The following HSF2BP variants were observed in gnomAD, a reference collection of about 807,000 sequenced individuals.
The protein encoded by HSF2BP is heat shock factor 2-binding protein.
A neutral mutation model predicts 35.0 loss-of-function variants in HSF2BP; 35 were observed. The observed-to-expected ratio is 1.00, with a 90% CI of 0.76 to 1.32. HSF2BP has a LOEUF of 1.32. Ranked by LOEUF, HSF2BP falls within the 40% of genes most tolerant of loss-of-function variation. HSF2BP has a pLI of 0.00. For synonymous variants in HSF2BP, 114 were observed against 117.4 expected, an observed-to-expected ratio of 0.97 and a Z score of 0.18; for missense variants, 326 against 321.7, an observed-to-expected ratio of 1.01 and a Z score of -0.10.
Position 43,644,394 on chromosome 21 carries a change from T to G in HSF2BP, c.188-2A>C. On this transcript the variant is annotated splice_acceptor_variant, in intron 3 of 8. Coordinates refer to ENST00000291560, the MANE Select transcript of HSF2BP (RefSeq NM_007031.2). LOFTEE classifies it high-confidence loss of function. ...ATTCTTGCTCTTTCCTTTCCAGGTC[T>G]AGGAGAAAGACATAAAATTACTCAA... The G allele has an allele frequency of 1.2e-6, 2 of 1,609,190 alleles. No individual in the cohort carries two copies. Among genetic ancestry groups the G allele is most frequent in the African/African-American group, 2.7e-5 (2 of 74,974 alleles).
chr21:43,584,849 G>C (rs2081826604), intron 8 of HSF2BP, among the ~76,000 whole-genome samples: 2 of 152,156 alleles, frequency 1.3e-5, no homozygotes, highest in African/African-American at 4.8e-5. Context: ...CCGGGGCTTT[G>C]TCTCCTATCC....
chr21:43,636,894 CA>C (rs34578952), intron 4 of HSF2BP, among the ~76,000 whole-genome samples: 3,256 of 112,004 alleles, frequency 0.029, 37 homozygotes, highest in Middle Eastern at 0.077. Context: ...CGTCTCAAAA[CA>C]AAAAAAAAAA....
intron 7 of HSF2BP, among the ~76,000 whole-genome samples, chr21:43,596,975 C>A (rs754456874): frequency 9.9e-5 from 15 of 151,680 alleles, no homozygotes; most frequent in Non-Finnish European, 1.9e-4. Flanking sequence ...CAGGCAGCGA[C>A]CCTCAATCAG....
rs1371260538 is a variant in HSF2BP, at chr21:43,652,934, A to C, written c.187+3653T>G. On this transcript the variant is annotated intron_variant, in intron 3 of 8. Transcript: ENST00000291560. ...CAGATCACCTGAGGTCAGGAGTTCA[A>C]GACTAGTCTGGCCAACGTGGTGAAA... 3.8e-4 allele frequency among the ~76,000 whole-genome samples: 58 copies of C among 152,134 alleles called. 2 individuals carry two copies. Among genetic ancestry groups the C allele is most frequent in the Admixed American group, 3.7e-3 (56 of 15,268 alleles).
At chr21:43,631,509 T>C (rs1281668973) in intron 5 of HSF2BP, among the ~76,000 whole-genome samples, 1 of 151,928 alleles carries the variant, frequency 6.6e-6, no homozygotes, top group East Asian at 1.9e-4. Flanking sequence ...GTAGACGCGA[T>C]GTGCCACAAC....
intron 8 of HSF2BP, among the ~76,000 whole-genome samples, chr21:43,577,580 C>CAGTG (rs1225348616): frequency 1.3e-5 from 2 of 152,192 alleles, no homozygotes; most frequent in Non-Finnish European, 2.9e-5. Context: ...CATTCAACTC[C>CAGTG]AGTGAAGAAG....
intron 7 of HSF2BP, among the ~76,000 whole-genome samples, chr21:43,605,110 TCA>T (rs1380633234): frequency 8.1e-6 from 1 of 123,918 alleles, no homozygotes; most frequent in South Asian, 2.7e-4. Flanking sequence ...ATCACACACA[TCA>T]CACACACACC....
chr21:43,618,004 A>C (rs1460142482), intron 6 of HSF2BP, among the ~76,000 whole-genome samples: 1 of 152,066 alleles, frequency 6.6e-6, no homozygotes, highest in Non-Finnish European at 1.5e-5. Context: ...CACACCTATA[A>C]TCCCAATACT....
chr21:43,641,794 A>G (rs1174315929), intron 4 of HSF2BP, among the ~76,000 whole-genome samples: 1 of 151,880 alleles, frequency 6.6e-6, no homozygotes, highest in African/African-American at 2.4e-5. Context: ...CTAAAAATAC[A>G]AAAATTAGCC....
At chr21:43,595,726 ATTTTTT>A (rs770855952) in intron 7 of HSF2BP, among the ~76,000 whole-genome samples, 162 of 58,408 alleles carry the variant, frequency 2.8e-3, no homozygotes, top group Non-Finnish European at 3.4e-3. Context: ...TAAGAGGCTA[ATTTTTT>A]TTTTTTTTTT....
At chr21:43,648,915 T>C (rs1325245841) in intron 3 of HSF2BP, among the ~76,000 whole-genome samples, 1 of 152,206 alleles carries the variant, frequency 6.6e-6, no homozygotes, top group Admixed American at 6.5e-5. Context: ...CATTTTACAA[T>C]GTTATTTACA....
chr21:43,608,653 G>C (rs1477685848), intron 7 of HSF2BP, among the ~76,000 whole-genome samples: 1 of 152,096 alleles, frequency 6.6e-6, no homozygotes, highest in Non-Finnish European at 1.5e-5. Context: ...GCCCTTATAA[G>C]TTTATCACAG....
At chr21:43,656,938 G>A (rs1185406476) in intron 2 of HSF2BP, among the ~76,000 whole-genome samples, 1 of 152,134 alleles carries the variant, frequency 6.6e-6, no homozygotes, top group Non-Finnish European at 1.5e-5. Context: ...TTCAAAAAGG[G>A]AGCCAGATGT....
intron 3 of HSF2BP, among the ~76,000 whole-genome samples, chr21:43,645,700 C>T (rs1035746848): frequency 3.3e-5 from 5 of 152,156 alleles, no homozygotes; most frequent in Non-Finnish European, 5.9e-5. Context: ...GCCTGGAAAA[C>T]GGAACATTAC....
At chr21:43,630,566 T>C (rs992689166) in intron 5 of HSF2BP, 112 bp from the exon 6 acceptor site, 5 of 1,299,778 alleles carry the variant, frequency 3.8e-6, no homozygotes, top group Middle Eastern at 2.3e-4. Flanking sequence ...TATTGTAAAA[T>C]CTATTCCCTC....
intron 8 of HSF2BP, among the ~76,000 whole-genome samples, chr21:43,578,596 A>G (rs1026817907): frequency 1.3e-5 from 2 of 152,234 alleles, no homozygotes; most frequent in Non-Finnish European, 2.9e-5. Flanking sequence ...CGAGCTCGGC[A>G]CTGTACCACC....
In HSF2BP at chr21:43,619,690, T is replaced by G. The variant is rs539332610; in HGVS notation, c.575-5743A>C. On this transcript the variant is annotated intron_variant, in intron 6 of 8. Coordinates refer to ENST00000291560, the MANE Select transcript of HSF2BP (RefSeq NM_007031.2). ...TACTGTCCCACCATCTTAGGTTCCC[T>G]GGCAGAAGACCTGTCCCTGCTTCAA... Among the ~76,000 whole-genome samples, 161 of 152,346 alleles carry G rather than the reference T, an allele frequency of 1.1e-3. 3 individuals carry two copies. Among genetic ancestry groups the G allele is most frequent in the African/African-American group, 3.8e-3 (160 of 41,586 alleles).
At chr21:43,595,726 A>ATCTTTTTTTTT (rs2081976624) in intron 7 of HSF2BP, among the ~76,000 whole-genome samples, 1 of 58,416 alleles carries the variant, frequency 1.7e-5, no homozygotes, top group Non-Finnish European at 3.1e-5. Flanking sequence ...TAAGAGGCTA[A>ATCTTTTTTTTT]TTTTTTTTTT....
chr21:43,622,550 C>A (rs1240918406), intron 6 of HSF2BP, among the ~76,000 whole-genome samples: 1 of 152,164 alleles, frequency 6.6e-6, no homozygotes, highest in East Asian at 1.9e-4. Flanking sequence ...AAATAGACTA[C>A]AAGTCAAAGA....
Sources: allele counts gnomAD v4.1 joint callset (sites outside exome capture counted in the v4.1 genomes callset), GRCh38; gene constraint gnomAD v4.1.1; transcripts MANE v1.5; gene names NCBI Gene and HGNC (gene_info 2026-07-23, HGNC 2026-07-21).